ADAMTS17: variants seen among roughly 807,000 people sequenced by gnomAD.
The protein encoded by ADAMTS17 is A disintegrin and metalloproteinase with thrombospondin motifs 17.
ADAMTS17 carries 113 observed loss-of-function variants against 141.5 expected under a neutral mutation model. The ratio of observed to expected loss-of-function variants is 0.80; its 90% CI spans 0.69 to 0.93. The LOEUF is 0.93. ADAMTS17 is among the 40% of genes least tolerant of loss of function. The probability of loss-of-function intolerance (pLI) is 0.00; values close to 1 mark genes in which losing one functional copy is unlikely to be tolerated. For missense variants in ADAMTS17, 1,659 were observed against 1,517.9 expected, an observed-to-expected ratio of 1.09 and a Z score of -1.54; for synonymous variants, 768 against 630.6, an observed-to-expected ratio of 1.22 and a Z score of -3.27.
At chr15:100,266,919 G>T (rs2043735145) in intron 4 of ADAMTS17, among the ~76,000 whole-genome samples, 1 of 152,138 alleles carries the variant, frequency 6.6e-6, no homozygotes, top group Admixed American at 6.5e-5. Context: ...AGCAGAGGAT[G>T]CAAGGGTCCC....
At chr15:100,018,868 T>C (rs889425618) in intron 18 of ADAMTS17, among the ~76,000 whole-genome samples, 1 of 152,192 alleles carries the variant, frequency 6.6e-6, no homozygotes, top group African/African-American at 2.4e-5. Flanking sequence ...CATTTGGCCA[T>C]GATGGGAGAA....
At chr15:100,082,721 G>C (rs547513081) in intron 15 of ADAMTS17, among the ~76,000 whole-genome samples, 1 of 146,408 alleles carries the variant, frequency 6.8e-6, no homozygotes, top group African/African-American at 2.5e-5. Flanking sequence ...TCTACAAATA[G>C]TTATTAGAGA....
chr15:100,175,081 C>T (rs1476989633), intron 8 of ADAMTS17, among the ~76,000 whole-genome samples: 1 of 152,176 alleles, frequency 6.6e-6, no homozygotes, highest in Non-Finnish European at 1.5e-5. Context: ...CCTCCCCTCG[C>T]AGCCTACTGC....
intron 10 of ADAMTS17, among the ~76,000 whole-genome samples, chr15:100,148,094 T>TGG (rs2038994137): frequency 3.9e-5 from 6 of 152,254 alleles, no homozygotes; most frequent in Non-Finnish European, 7.3e-5. Flanking sequence ...TTGAGTACAC[T>TGG]GGGCCACCCA....
Position 99,973,744 on chromosome 15 carries a change from T to C in ADAMTS17, c.*658A>G, listed in dbSNP as rs559614757. 1.2e-5 allele frequency: 2 copies of C among 161,026 alleles called. No homozygotes were observed. The highest frequency in any genetic ancestry group is 2.7e-5 in the Non-Finnish European group (2 of 73,044). The allele number at this position is 161,026 out of a possible 1,614,324, so 10.0% of individuals were successfully genotyped here. ...TTCTTCCCATGCGGGTGGTATGAACTGCGTGGCACTGCTGTCCTCGCTGGC... is the reference window on the plus strand; with the variant it reads ...TTCTTCCCATGCGGGTGGTATGAACCGCGTGGCACTGCTGTCCTCGCTGGC... On this transcript the variant is annotated 3_prime_UTR_variant, in exon 22 of 22. Transcript: ENST00000268070.
intron 18 of ADAMTS17, among the ~76,000 whole-genome samples, chr15:100,016,633 T>C (rs1158730782): frequency 6.6e-6 from 1 of 152,178 alleles, no homozygotes; most frequent in Non-Finnish European, 1.5e-5. Flanking sequence ...TTGCTGTCTC[T>C]CTTCTGGGTC....
intron 3 of ADAMTS17, among the ~76,000 whole-genome samples, chr15:100,312,470 C>G (rs78965152): frequency 0.024 from 3,644 of 152,320 alleles, 119 homozygotes; most frequent in African/African-American, 0.077. Flanking sequence ...TTGCAGACTT[C>G]TGACCTCCAG....
intron 3 of ADAMTS17, among the ~76,000 whole-genome samples, chr15:100,328,214 G>T (rs1310430625): frequency 2.0e-5 from 3 of 152,296 alleles, no homozygotes; most frequent in Middle Eastern, 3.4e-3. Flanking sequence ...GAAACTTAAA[G>T]AATGTACTTT....
intron 12 of ADAMTS17, 52 bp downstream of exon 12, chr15:100,131,955 T>C (rs2141237701): frequency 3.1e-6 from 5 of 1,612,928 alleles, no homozygotes; most frequent in East Asian, 4.5e-5. Context: ...AGAGCTGCTG[T>C]TGGGAAACTC....
chr15:100,004,375 G>A (rs2060994027), intron 18 of ADAMTS17, among the ~76,000 whole-genome samples: 1 of 152,050 alleles, frequency 6.6e-6, no homozygotes, highest in African/African-American at 2.4e-5. Flanking sequence ...AACCCCCCCT[G>A]GCTCCAGGAG....
intron 8 of ADAMTS17, among the ~76,000 whole-genome samples, chr15:100,155,798 T>A (rs1387309600): frequency 6.6e-6 from 1 of 152,228 alleles, no homozygotes; most frequent in Non-Finnish European, 1.5e-5. Context: ...TTACAGAGTA[T>A]GGCTTTTCTA....
chr15:100,081,633 C>A (rs2034743831), intron 15 of ADAMTS17, among the ~76,000 whole-genome samples: 1 of 152,180 alleles, frequency 6.6e-6, no homozygotes, highest in Admixed American at 6.5e-5. Flanking sequence ...ATCACTGAGA[C>A]AAACACAGGT....
intron 3 of ADAMTS17, among the ~76,000 whole-genome samples, chr15:100,303,180 T>A (rs2045103865): frequency 6.8e-6 from 1 of 147,086 alleles, no homozygotes; most frequent in Admixed American, 6.8e-5. Context: ...AATTTATATA[T>A]ATAAACTTAC....
At chr15:100,303,406 A>G (rs918216810) in intron 3 of ADAMTS17, among the ~76,000 whole-genome samples, 1 of 151,410 alleles carries the variant, frequency 6.6e-6, no homozygotes, top group Non-Finnish European at 1.5e-5. Flanking sequence ...CCATCATATG[A>G]GTTGTATTTT....
intron 21 of ADAMTS17, 37 bp downstream of exon 21, chr15:99,976,008 C>T: frequency 3.9e-6 from 6 of 1,535,082 alleles, no homozygotes; most frequent in East Asian, 2.5e-5. Flanking sequence ...GGAGACACAG[C>T]AGCCCCCTGG....
chr15:100,203,600 G>A (rs2041422205), intron 7 of ADAMTS17, among the ~76,000 whole-genome samples: 1 of 152,242 alleles, frequency 6.6e-6, no homozygotes, highest in Non-Finnish European at 1.5e-5. Flanking sequence ...AGCTACTTGG[G>A]AGACTGAGGC....
chr15:100,215,290 C>T (rs890317393), intron 7 of ADAMTS17, among the ~76,000 whole-genome samples: 3 of 152,182 alleles, frequency 2.0e-5, no homozygotes, highest in Admixed American at 6.5e-5. Flanking sequence ...GATGAGCTGA[C>T]GATTTTCCTG....
At chr15:100,171,290 C>T (rs2040150749) in intron 8 of ADAMTS17, among the ~76,000 whole-genome samples, 2 of 152,180 alleles carry the variant, frequency 1.3e-5, no homozygotes, top group South Asian at 2.1e-4. Context: ...TCCTTCCTTC[C>T]TTCTTTAAGA....
At chr15:100,071,844 A>G (rs912385181) in intron 15 of ADAMTS17, among the ~76,000 whole-genome samples, 3 of 150,500 alleles carry the variant, frequency 2.0e-5, no homozygotes, top group Non-Finnish European at 3.0e-5. Flanking sequence ...GAAAACTGGC[A>G]CAAGACAGGG....
Sources: gnomAD v4.1 joint callset for allele counts (sites outside exome capture counted in the v4.1 genomes callset) on GRCh38, gnomAD v4.1.1 for gene constraint, MANE v1.5 for transcripts, NCBI Gene and HGNC (gene_info 2026-07-23, HGNC 2026-07-21) for gene names.